PPP2R2B: variants seen among roughly 807,000 people sequenced by gnomAD.
PPP2R2B encodes the protein protein phosphatase 2 regulatory subunit Bbeta.
A neutral mutation model predicts 46.0 loss-of-function variants in PPP2R2B; 5 were observed. The observed-to-expected ratio is 0.11, with a 90% CI of 0.06 to 0.23. The LOEUF is 0.23. PPP2R2B is among the 10% of genes least tolerant of loss of function. PPP2R2B has a pLI of 1.00. For missense variants in PPP2R2B, 367 were observed against 575.0 expected (o/e 0.64, Z 3.70); for synonymous variants, 215 against 206.7 (o/e 1.04, Z -0.34).
chr5:146,620,950 C>T (rs140783847), intron 7 of PPP2R2B, among the ~76,000 whole-genome samples: 65 of 152,340 alleles, frequency 4.3e-4, no homozygotes, highest in African/African-American at 1.5e-3. Context: ...CAAGCTGCCC[C>T]GTTTCCAAGG....
At chr5:146,907,318 T>C (rs1266274983) in intron 1 of PPP2R2B, among the ~76,000 whole-genome samples, 1 of 152,194 alleles carries the variant, frequency 6.6e-6, no homozygotes, top group Non-Finnish European at 1.5e-5. Context: ...GCCATCTATG[T>C]GCATTTTCCT....
chr5:146,834,387 CAA>C (rs1258860872), intron 2 of PPP2R2B, among the ~76,000 whole-genome samples: 1 of 152,174 alleles, frequency 6.6e-6, no homozygotes, highest in Non-Finnish European at 1.5e-5. Context: ...AACCAAGAAT[CAA>C]AAGTCTTAAA....
At chr5:146,978,388 G>A (rs1205622842) in intron 1 of PPP2R2B, among the ~76,000 whole-genome samples, 1 of 152,084 alleles carries the variant, frequency 6.6e-6, no homozygotes, top group African/African-American at 2.4e-5. Flanking sequence ...GATCCCATTT[G>A]TCAATTTTGG....
At chr5:146,754,103 G>T (rs558923470) in intron 2 of PPP2R2B, among the ~76,000 whole-genome samples, 133 of 152,236 alleles carry the variant, frequency 8.7e-4, no homozygotes, top group African/African-American at 2.4e-3. Context: ...CCAAAGTTCT[G>T]CCACAAGCCC....
chr5:146,806,454 GAA>G (rs1211041040), intron 2 of PPP2R2B, among the ~76,000 whole-genome samples: 1 of 152,014 alleles, frequency 6.6e-6, no homozygotes, highest in African/African-American at 2.4e-5. Context: ...AATGCCTCTA[GAA>G]TCTTGCTTGT....
At chr5:147,005,068 T>G (rs1356705152) in intron 1 of PPP2R2B, among the ~76,000 whole-genome samples, 2 of 152,160 alleles carry the variant, frequency 1.3e-5, no homozygotes, top group Non-Finnish European at 2.9e-5. Context: ...CACTACTCCT[T>G]GAGGGACCAG....
intron 2 of PPP2R2B, among the ~76,000 whole-genome samples, chr5:146,797,994 G>A (rs772161359): frequency 1.1e-4 from 17 of 152,082 alleles, no homozygotes; most frequent in Admixed American, 2.0e-4. Context: ...CAAACAAACC[G>A]TCAATCTCCT....
chr5:147,058,135 T>A (rs968722352), upstream of PPP2R2B, among the ~76,000 whole-genome samples: 5 of 152,274 alleles, frequency 3.3e-5, no homozygotes, highest in Non-Finnish European at 4.4e-5. Context: ...CTGCACAAAG[T>A]AGATAGTAAA....
At chr5:146,717,408 G>A (rs1315499251) in intron 2 of PPP2R2B, among the ~76,000 whole-genome samples, 1 of 152,184 alleles carries the variant, frequency 6.6e-6, no homozygotes, top group Non-Finnish European at 1.5e-5. Flanking sequence ...TAAATGCGTT[G>A]GCAAAATTCC....
At chr5:146,794,778 A>G (rs1334329869) in intron 2 of PPP2R2B, among the ~76,000 whole-genome samples, 2 of 152,134 alleles carry the variant, frequency 1.3e-5, no homozygotes, top group African/African-American at 4.8e-5. Flanking sequence ...GCCCTTATGA[A>G]TTGTCTCTAT....
intron 1 of PPP2R2B, among the ~76,000 whole-genome samples, chr5:147,043,344 T>A (rs748184594): frequency 6.6e-5 from 10 of 152,080 alleles, no homozygotes; most frequent in Non-Finnish European, 1.3e-4. Flanking sequence ...AATGAGGTTA[T>A]TAGGGGTGGG....
chr5:146,793,910 C>T (rs1756365670), intron 2 of PPP2R2B, among the ~76,000 whole-genome samples: 1 of 152,160 alleles, frequency 6.6e-6, no homozygotes, highest in Admixed American at 6.5e-5. Flanking sequence ...CAGTGGTCCC[C>T]ACACTTAGTC....
chr5:146,591,674 A>C (rs1219577187), intron 9 of PPP2R2B, among the ~76,000 whole-genome samples: 2 of 121,470 alleles, frequency 1.6e-5, no homozygotes, highest in African/African-American at 4.2e-5. Flanking sequence ...ATTATTTTCC[A>C]AAAAAAAAAA....
intron 1 of PPP2R2B, among the ~76,000 whole-genome samples, chr5:146,937,803 T>G (rs1764203378): frequency 6.6e-6 from 1 of 152,220 alleles, no homozygotes; most frequent in African/African-American, 2.4e-5. Context: ...TATGTCTGTT[T>G]GGCTTCTGTA....
intron 1 of PPP2R2B, among the ~76,000 whole-genome samples, chr5:146,895,982 T>C (rs1011407735): frequency 1.3e-5 from 2 of 151,904 alleles, no homozygotes; most frequent in Admixed American, 6.6e-5. Context: ...TCCAAAGGGG[T>C]CATTACTGTT....
At chr5:146,621,718 G>A (rs974222398) in intron 7 of PPP2R2B, among the ~76,000 whole-genome samples, 2 of 152,190 alleles carry the variant, frequency 1.3e-5, no homozygotes, top group Non-Finnish European at 2.9e-5. Flanking sequence ...TAACACGTGG[G>A]CTATCCTTCC....
At chr5:146,900,100 C>T (rs1017717692) in intron 1 of PPP2R2B, among the ~76,000 whole-genome samples, 25 of 152,140 alleles carry the variant, frequency 1.6e-4, no homozygotes, top group African/African-American at 5.3e-4. Flanking sequence ...GCTGGGGAAC[C>T]GGAAATTTAT....
At chr5:146,740,773 GA>G (rs1752828192) in intron 2 of PPP2R2B, among the ~76,000 whole-genome samples, 1 of 151,838 alleles carries the variant, frequency 6.6e-6, no homozygotes, top group Non-Finnish European at 1.5e-5. Flanking sequence ...ATTCCATTTT[GA>G]AAAAATGATG....
Position 146,847,304 on chromosome 5 carries a change from T to G in PPP2R2B, c.70+30698A>C, listed in dbSNP as rs143834155. On this transcript the variant is annotated intron_variant, in intron 2 of 9. Transcript: ENST00000394411. ...GCCTTTAATTCCTGACATAATAGACTTACTTCCTCCTCTTGCCTACTTCCT... is the reference window on the plus strand; with the variant it reads ...GCCTTTAATTCCTGACATAATAGACGTACTTCCTCCTCTTGCCTACTTCCT... Among the ~76,000 whole-genome samples the G allele has an allele frequency of 2.2e-4, 33 of 152,298 alleles. No individual in the cohort carries two copies. In the East Asian group the frequency reaches 6.0e-3, roughly 28 times the overall value.
Sources: allele counts gnomAD v4.1 joint callset (sites outside exome capture counted in the v4.1 genomes callset), GRCh38; gene constraint gnomAD v4.1.1; transcripts MANE v1.5; gene names NCBI Gene and HGNC (gene_info 2026-07-23, HGNC 2026-07-21).